BABAM2: variants seen among roughly 807,000 people sequenced by gnomAD.
BABAM2 encodes BRISC and BRCA1-A complex member 2.
Under a neutral mutation model 54.7 loss-of-function variants are expected in BABAM2, and 31 were observed. The ratio of observed to expected loss-of-function variants is 0.57; its 90% confidence interval spans 0.43 to 0.77. BABAM2 has a LOEUF of 0.77. Among genes scored for constraint, BABAM2 ranks in the 30% least tolerant of loss-of-function variants. BABAM2 has a pLI of 0.00. For missense variants in BABAM2, 364 were observed against 455.8 expected (o/e 0.80, Z 1.83); for synonymous variants, 167 against 162.9 (o/e 1.03, Z -0.19).
At chr2:28,141,899 T>G (rs1309973468) in intron 7 of BABAM2, among the ~76,000 whole-genome samples, 1 of 152,212 alleles carries the variant, frequency 6.6e-6, no homozygotes, top group Non-Finnish European at 1.5e-5. Context: ...CTACTTCATC[T>G]TTGCTGTAGA....
At chr2:27,991,350 T>C (rs1279417093) in intron 4 of BABAM2, among the ~76,000 whole-genome samples, 3 of 152,224 alleles carry the variant, frequency 2.0e-5, no homozygotes, top group Non-Finnish European at 4.4e-5. Flanking sequence ...TTATTTTCCA[T>C]TCTGGAGACA....
chr2:28,317,468 G>T (rs1334139648), intron 11 of BABAM2, among the ~76,000 whole-genome samples: 1 of 152,200 alleles, frequency 6.6e-6, no homozygotes, highest in Non-Finnish European at 1.5e-5. Context: ...TCACTGGCAA[G>T]GTGGTATTAA....
intron 6 of BABAM2, among the ~76,000 whole-genome samples, chr2:28,073,331 C>CA (rs1175376245): frequency 1.3e-5 from 2 of 151,690 alleles, no homozygotes; most frequent in South Asian, 2.1e-4. Flanking sequence ...CTTGTCTTTA[C>CA]AAAAAAAATT....
intron 6 of BABAM2, among the ~76,000 whole-genome samples, chr2:28,046,206 G>A: frequency 6.6e-6 from 1 of 152,160 alleles, no homozygotes; most frequent in East Asian, 1.9e-4. Context: ...TGTAATCCCA[G>A]CTTTTTGGGA....
At chr2:27,977,377 G>A (rs1022945918) in intron 3 of BABAM2, among the ~76,000 whole-genome samples, 2 of 152,126 alleles carry the variant, frequency 1.3e-5, no homozygotes, top group African/African-American at 2.4e-5. Context: ...TATCATGATG[G>A]ACTTTAAATA....
At chr2:28,254,907 A>T (rs926267436) in intron 10 of BABAM2, among the ~76,000 whole-genome samples, 14 of 151,228 alleles carry the variant, frequency 9.3e-5, no homozygotes, top group South Asian at 2.1e-4. Context: ...TAATTTTTTA[A>T]AAATTTTTCC....
chr2:28,298,273 C>T, intron 10 of BABAM2, 65 bp from the exon 11 acceptor site: 2 of 1,202,092 alleles, frequency 1.7e-6, no homozygotes, highest in African/African-American at 3.1e-5. Context: ...CGGATTTAGT[C>T]AAAAAAAAAA....
chr2:27,901,042 CAA>C (rs553293287), intron 2 of BABAM2, among the ~76,000 whole-genome samples: 2,989 of 83,654 alleles, frequency 0.036, 26 homozygotes, highest in African/African-American at 0.065. Context: ...GACTCTGTCT[CAA>C]AAAAAAAAAA....
chr2:27,984,637 A>C (rs1166939855), intron 3 of BABAM2, among the ~76,000 whole-genome samples: 1 of 151,966 alleles, frequency 6.6e-6, no homozygotes, highest in Non-Finnish European at 1.5e-5. Flanking sequence ...TTTTTAAATA[A>C]AAATATATTT....
At chr2:28,015,825 GT>G (rs536400374) in intron 4 of BABAM2, 2 of 912,190 alleles carry the variant, frequency 2.2e-6, no homozygotes, top group African/African-American at 1.7e-5. Context: ...TTTCTGTTTT[GT>G]TTTTTTCTGT....
chr2:28,055,516 C>G (rs1290783084), intron 6 of BABAM2, among the ~76,000 whole-genome samples: 1 of 152,144 alleles, frequency 6.6e-6, no homozygotes, highest in Non-Finnish European at 1.5e-5. Flanking sequence ...GAATTCAAAA[C>G]TTAAATTTTT....
intron 10 of BABAM2, among the ~76,000 whole-genome samples, chr2:28,263,145 A>AG (rs1331502291): frequency 7.0e-6 from 1 of 143,210 alleles, no homozygotes; most frequent in Non-Finnish European, 1.5e-5. Flanking sequence ...AAAAAAAAAA[A>AG]AAGAAGAAAA....
intron 10 of BABAM2, among the ~76,000 whole-genome samples, chr2:28,284,632 T>C (rs1686645785): frequency 6.6e-6 from 1 of 152,180 alleles, no homozygotes; most frequent in Admixed American, 6.5e-5. Context: ...GATTTTTTAT[T>C]TGCTGGAAGA....
intron 2 of BABAM2, chr2:27,896,002 C>G (rs1209884093): frequency 6.6e-6 from 1 of 151,946 alleles, no homozygotes; most frequent in African/African-American, 2.4e-5. Flanking sequence ...CTTTTGGGTC[C>G]TTTTGACATA....
At chr2:28,317,165 C>A (rs1348853096) in intron 11 of BABAM2, among the ~76,000 whole-genome samples, 1 of 152,170 alleles carries the variant, frequency 6.6e-6, no homozygotes. Context: ...CTCTACCAGC[C>A]GGCTCATGGC....
chr2:27,992,280 A>G (rs1672837182), intron 4 of BABAM2, among the ~76,000 whole-genome samples: 1 of 152,198 alleles, frequency 6.6e-6, no homozygotes, highest in African/African-American at 2.4e-5. Flanking sequence ...ATAAAAATAA[A>G]CAAAAGACAA....
chr2:28,240,545 T>C (rs1348154707), intron 8 of BABAM2, among the ~76,000 whole-genome samples: 1 of 152,160 alleles, frequency 6.6e-6, no homozygotes, highest in Non-Finnish European at 1.5e-5. Flanking sequence ...TAAAAACAAA[T>C]GGCTGATCCT....
chr2:28,274,922 G>A (rs2148174780), intron 10 of BABAM2, among the ~76,000 whole-genome samples: 1 of 152,340 alleles, frequency 6.6e-6, no homozygotes, highest in Middle Eastern at 3.4e-3. Flanking sequence ...AGACCTCGCA[G>A]AAGAGACCAG....
intron 11 of BABAM2, among the ~76,000 whole-genome samples, chr2:28,321,850 G>A (rs1427679065): frequency 6.6e-6 from 1 of 151,814 alleles, no homozygotes; most frequent in Non-Finnish European, 1.5e-5. Context: ...GGAGGATTGT[G>A]GAGTTCCTTG....
Sources: allele counts gnomAD v4.1 joint callset (sites outside exome capture counted in the v4.1 genomes callset), GRCh38; gene constraint gnomAD v4.1.1; transcripts MANE v1.5; gene names NCBI Gene and HGNC (gene_info 2026-07-23, HGNC 2026-07-21).